Variants in CDH13 observed in about 807,000 individuals in gnomAD.
CDH13 encodes cadherin 13.
A neutral mutation model predicts 63.8 loss-of-function variants in CDH13; 24 were observed. The ratio of observed to expected loss-of-function variants is 0.38; its 90% CI spans 0.27 to 0.53. The LOEUF (loss-of-function observed/expected upper bound fraction) is 0.53. CDH13 is among the 20% of genes least tolerant of loss of function. CDH13 has a pLI of 0.85. For synonymous variants in CDH13, 503 were observed against 355.3 expected (o/e 1.42, Z -4.67); for missense variants, 1,049 against 903.1 (o/e 1.16, Z -2.07).
At chr16:82,829,632 C>T (rs1236847322) in intron 1 of CDH13, 2 of 152,012 alleles carry the variant, frequency 1.3e-5, no homozygotes, top group African/African-American at 4.8e-5. Flanking sequence ...AATTCCGTTC[C>T]TTCTTACACA....
intron 1 of CDH13, among the ~76,000 whole-genome samples, chr16:82,763,003 C>A (rs1448625599): frequency 6.6e-6 from 1 of 152,160 alleles, no homozygotes; most frequent in Non-Finnish European, 1.5e-5. Context: ...ATTCGTGGTG[C>A]TACTGTGTGA....
At chr16:82,793,139 G>A (rs902334859) in intron 1 of CDH13, among the ~76,000 whole-genome samples, 3 of 152,208 alleles carry the variant, frequency 2.0e-5, no homozygotes, top group Non-Finnish European at 4.4e-5. Context: ...TGAAATGGAG[G>A]CACCAGAAGC....
At chr16:82,882,560 T>C (rs1377495550) in intron 2 of CDH13, among the ~76,000 whole-genome samples, 2 of 152,158 alleles carry the variant, frequency 1.3e-5, no homozygotes, top group Non-Finnish European at 2.9e-5. Flanking sequence ...TTCTTAACCA[T>C]GCTGGAAAAA....
intron 1 of CDH13, among the ~76,000 whole-genome samples, chr16:82,855,666 A>G (rs902650538): frequency 6.6e-6 from 1 of 152,164 alleles, no homozygotes; most frequent in Admixed American, 6.5e-5. Context: ...TCTCAAGACA[A>G]GGGAATCCAT....
At chr16:83,482,070 A>T (rs938862107) in intron 6 of CDH13, among the ~76,000 whole-genome samples, 1 of 152,186 alleles carries the variant, frequency 6.6e-6, no homozygotes, top group African/African-American at 2.4e-5. Context: ...AGGACCTCCA[A>T]GGCGCATTGA....
chr16:83,475,914 C>T (rs1204510484), intron 6 of CDH13, among the ~76,000 whole-genome samples: 2 of 152,110 alleles, frequency 1.3e-5, no homozygotes, highest in Admixed American at 1.3e-4. Flanking sequence ...GAGCAAATTG[C>T]TGCGCCTTTG....
chr16:82,669,797 C>G (rs954403528), intron 1 of CDH13, among the ~76,000 whole-genome samples: 1 of 152,162 alleles, frequency 6.6e-6, no homozygotes, highest in Non-Finnish European at 1.5e-5. Context: ...ATACCCCAGC[C>G]GGGTTGGTAG....
At chr16:83,565,403 G>C (rs571498615) in intron 7 of CDH13, among the ~76,000 whole-genome samples, 4 of 41,534 alleles carry the variant, frequency 9.6e-5, no homozygotes, top group Non-Finnish European at 1.6e-4. Flanking sequence ...TTTTTTCTTA[G>C]TTGCAGAGTT....
intron 1 of CDH13, among the ~76,000 whole-genome samples, chr16:82,751,310 G>T (rs1158284049): frequency 6.6e-6 from 1 of 152,126 alleles, no homozygotes; most frequent in African/African-American, 2.4e-5. Flanking sequence ...ATTCTTAATA[G>T]ATTTTTTTTT....
intron 7 of CDH13, among the ~76,000 whole-genome samples, chr16:83,590,903 C>CT (rs34324940): frequency 0.13 from 11,128 of 88,576 alleles, 746 homozygotes; most frequent in East Asian, 0.23. Context: ...CCAGGGGATT[C>CT]TTTTTTTTTT....
intron 1 of CDH13, among the ~76,000 whole-genome samples, chr16:82,848,963 C>T (rs147729474): frequency 6.6e-6 from 1 of 152,280 alleles, no homozygotes; most frequent in African/African-American, 2.4e-5. Flanking sequence ...TGCTACTCCA[C>T]TGAACATATG....
At chr16:83,020,686 G>A (rs1193288489) in intron 2 of CDH13, among the ~76,000 whole-genome samples, 2 of 152,156 alleles carry the variant, frequency 1.3e-5, no homozygotes, top group Non-Finnish European at 2.9e-5. Context: ...AACCAATATT[G>A]TGTTCCTCTC....
chr16:82,738,986 G>T (rs1158638469), intron 1 of CDH13, among the ~76,000 whole-genome samples: 2 of 152,154 alleles, frequency 1.3e-5, no homozygotes, highest in East Asian at 3.9e-4. Context: ...ATGCAGAAAT[G>T]AGTTAAATAT....
At chr16:83,776,596 C>T (rs1001383894) in intron 11 of CDH13, among the ~76,000 whole-genome samples, 4 of 152,170 alleles carry the variant, frequency 2.6e-5, no homozygotes, top group Non-Finnish European at 5.9e-5. Context: ...AGTATCGGCT[C>T]GCACTTCTTC....
At position 83,164,350 on chromosome 16, in the gene CDH13, C is replaced by T. The variant is rs147317603; in HGVS notation, c.483+38849C>T. 1.2e-3 allele frequency among the ~76,000 whole-genome samples: 181 copies of T among 152,090 alleles called. 3 individuals carry two copies. Among genetic ancestry groups the T allele is most frequent in the Admixed American group, 2.6e-3 (39 of 15,254 alleles). On this transcript the variant is annotated intron_variant, in intron 4 of 13. Transcript: ENST00000567109. The stretch of plus-strand genomic sequence containing the variant: ...CACACACCACACATCACATACCACA[C>T]ACCACACACCACACATGGTGGAGTT...
intron 6 of CDH13, among the ~76,000 whole-genome samples, chr16:83,403,486 GGTCGCGCGC>G (rs2091998826): frequency 1.3e-5 from 2 of 152,088 alleles, no homozygotes; most frequent in African/African-American, 2.4e-5. Flanking sequence ...AGCCAGGTGT[GGTCGCGCGC>G]GCCTGTAGTC....
At chr16:83,588,197 C>A (rs926862543) in intron 7 of CDH13, among the ~76,000 whole-genome samples, 3 of 152,190 alleles carry the variant, frequency 2.0e-5, no homozygotes, top group Non-Finnish European at 4.4e-5. Flanking sequence ...ACCTTCCCTG[C>A]ACACTCTTGG....
intron 1 of CDH13, among the ~76,000 whole-genome samples, chr16:82,852,035 A>G (rs895097819): frequency 2.0e-5 from 3 of 152,224 alleles, no homozygotes; most frequent in African/African-American, 7.2e-5. Flanking sequence ...TCCCAGAGAC[A>G]CTGGGGTGTT....
intron 4 of CDH13, among the ~76,000 whole-genome samples, chr16:83,188,074 G>T (rs2038581246): frequency 6.6e-6 from 1 of 152,216 alleles, no homozygotes; most frequent in East Asian, 1.9e-4. Flanking sequence ...GAGAAAAGCT[G>T]TGACCAGATC....
Sources: allele counts gnomAD v4.1 joint callset (sites outside exome capture counted in the v4.1 genomes callset), GRCh38; gene constraint gnomAD v4.1.1; transcripts MANE v1.5; gene names NCBI Gene and HGNC (gene_info 2026-07-23, HGNC 2026-07-21).